Variants in ROBO1 observed in about 807,000 individuals in gnomAD.
ROBO1 encodes roundabout homolog 1.
In ROBO1, 149 loss-of-function variants were observed where a neutral mutation model predicts 195.9. The observed-to-expected ratio is 0.76, with a 90% CI of 0.67 to 0.87. ROBO1 has a LOEUF of 0.87. ROBO1 is among the 40% of genes least tolerant of loss of function. The pLI is 0.00. For missense variants in ROBO1, 1,933 were observed against 2,068.3 expected, an observed-to-expected ratio of 0.93 and a Z score of 1.27; for synonymous variants, 816 against 733.2, an observed-to-expected ratio of 1.11 and a Z score of -1.82.
intron 2 of ROBO1, among the ~76,000 whole-genome samples, chr3:79,466,024 T>A (rs937673674): frequency 6.6e-6 from 1 of 150,948 alleles, no homozygotes; most frequent in Non-Finnish European, 1.5e-5. Flanking sequence ...GTATTTTCAA[T>A]CTCCTTTAAA....
chr3:78,762,297 G>C (rs2083125249), intron 4 of ROBO1, among the ~76,000 whole-genome samples: 1 of 151,950 alleles, frequency 6.6e-6, no homozygotes, highest in Non-Finnish European at 1.5e-5. Context: ...TGAGCAAAAA[G>C]TTGAGTCATA....
Position 78,884,841 on chromosome 3 carries a change from A to ACT in ROBO1, c.499+53758_499+53759dup, listed in dbSNP as rs139880326. On this transcript the variant is annotated intron_variant, in intron 4 of 30. Coordinates refer to ENST00000464233, the MANE Select transcript of ROBO1 (RefSeq NM_002941.4). ...TAACATAAGGAAAAAGAAGAAATAGACTCTCTCTCTCTCTCTCTCTCTTTC... is the reference window on the plus strand; with the variant it reads ...TAACATAAGGAAAAAGAAGAAATAGACTCTCTCTCTCTCTCTCTCTCTCTTTC... 4.8e-3 allele frequency among the ~76,000 whole-genome samples: 681 copies of ACT among 141,920 alleles called. 7 individuals are homozygous for ACT. The highest frequency in any genetic ancestry group is 0.022 in the Middle Eastern group (6 of 278). 93.1% of individuals were successfully genotyped at this position (141,920 alleles called of 152,430 possible).
In ROBO1 at chr3:78,849,364, A is replaced by G. The variant is rs778318578; in HGVS notation, c.499+89237T>C. On this transcript the variant is annotated intron_variant, in intron 4 of 30. Transcript: ENST00000464233. ...ACCTCGGTATTTTGGACCCCAATTT[A>G]TCTCTCATTTCATTATATCATGTTA... Among the ~76,000 whole-genome samples the G allele has an allele frequency of 1.1e-3, 162 of 152,218 alleles. 2 individuals carry two copies. Among genetic ancestry groups the G allele is most frequent in the Non-Finnish European group, 6.3e-4 (43 of 68,016 alleles).
intron 2 of ROBO1, among the ~76,000 whole-genome samples, chr3:79,484,974 G>A (rs550381184): frequency 1.6e-4 from 25 of 151,706 alleles, no homozygotes; most frequent in South Asian, 8.4e-4. Flanking sequence ...GGATGATCTC[G>A]ATCTCTTGAC....
At chr3:79,717,960 AG>A (rs1345183341) in intron 1 of ROBO1, among the ~76,000 whole-genome samples, 1 of 152,018 alleles carries the variant, frequency 6.6e-6, no homozygotes, top group Non-Finnish European at 1.5e-5. Context: ...TTCTTACAGG[AG>A]CATGATCCTT....
intron 3 of ROBO1, among the ~76,000 whole-genome samples, chr3:78,941,838 C>T (rs1164686195): frequency 6.6e-6 from 1 of 152,116 alleles, no homozygotes; most frequent in African/African-American, 2.4e-5. Flanking sequence ...GTACAATGAG[C>T]CACAGTTTTG....
Position 79,249,293 on chromosome 3 carries a change from A to G in ROBO1, c.89-123754T>C, listed in dbSNP as rs2082678278. On this transcript the variant is annotated intron_variant, in intron 2 of 30. Coordinates refer to ENST00000464233, the MANE Select transcript of ROBO1 (RefSeq NM_002941.4). ...TGAACTGTTCACCAGCACGAAGAGG[A>G]CTACGTTTCCTGACTTGTCTGAGAA... is the stretch of plus-strand genomic sequence containing the variant. Among the ~76,000 whole-genome samples, 3 of 152,152 alleles carry G rather than the reference A, an allele frequency of 2.0e-5. No homozygotes were observed. The South Asian group carries it at 6.2e-4, about 32-fold the overall frequency.
At chr3:79,507,934 G>A (rs1175213314) in intron 2 of ROBO1, 1 of 154,374 alleles carries the variant, frequency 6.5e-6, no homozygotes, top group African/African-American at 2.4e-5. Context: ...TATAAGAAGA[G>A]GAAACTAGTA....
intron 5 of ROBO1, among the ~76,000 whole-genome samples, chr3:78,729,477 C>G (rs776860082): frequency 2.0e-5 from 3 of 152,128 alleles, no homozygotes; most frequent in Non-Finnish European, 4.4e-5. Flanking sequence ...CAATATGAAG[C>G]CTTGGGTATG....
intron 1 of ROBO1, among the ~76,000 whole-genome samples, chr3:79,726,451 A>C (rs1702929416): frequency 6.6e-6 from 1 of 152,208 alleles, no homozygotes; most frequent in South Asian, 2.1e-4. Flanking sequence ...ATAATGTCTG[A>C]CATATATTTA....
At chr3:79,314,108 T>A (rs1476700878) in intron 2 of ROBO1, among the ~76,000 whole-genome samples, 1 of 152,216 alleles carries the variant, frequency 6.6e-6, no homozygotes, top group African/African-American at 2.4e-5. Context: ...TCTATCTAGG[T>A]CTCATGCTCC....
chr3:79,042,886 C>A (rs764831239), intron 3 of ROBO1, among the ~76,000 whole-genome samples: 2 of 152,072 alleles, frequency 1.3e-5, no homozygotes, highest in African/African-American at 2.4e-5. Flanking sequence ...ATTTTACTGC[C>A]AAATGTCAAT....
intron 3 of ROBO1, among the ~76,000 whole-genome samples, chr3:79,061,355 CACAA>C (rs1308061639): frequency 6.6e-6 from 1 of 151,990 alleles, no homozygotes; most frequent in Non-Finnish European, 1.5e-5. Flanking sequence ...TAAAAGAGGA[CACAA>C]ACAAATGGAA....
chr3:78,769,589 A>G (rs2083314467), intron 4 of ROBO1, among the ~76,000 whole-genome samples: 2 of 98,296 alleles, frequency 2.0e-5, no homozygotes, highest in African/African-American at 7.9e-5. Flanking sequence ...CATTGCTTTC[A>G]TTGTGCTTTT....
intron 3 of ROBO1, among the ~76,000 whole-genome samples, chr3:79,091,121 G>C (rs999766634): frequency 7.2e-5 from 11 of 151,994 alleles, no homozygotes; most frequent in Admixed American, 6.6e-4. Context: ...ACTCATCTCT[G>C]TTCATTCTTC....
intron 3 of ROBO1, among the ~76,000 whole-genome samples, chr3:79,055,333 C>T (rs1295218943): frequency 6.6e-6 from 1 of 152,082 alleles, no homozygotes; most frequent in African/African-American, 2.4e-5. Context: ...GAAAAGGCCA[C>T]TTATTGGATT....
chr3:78,938,785 TCC>T lies in ROBO1; in HGVS notation c.313_314del (p.Gly105ArgfsTer9). 6.2e-7 allele frequency: 1 copy of T among 1,613,920 alleles called. No individual in the cohort carries two copies. Among genetic ancestry groups the T allele is most frequent in the Non-Finnish European group, 8.5e-7 (1 of 1,179,878 alleles). On this transcript the variant is annotated frameshift_variant, in exon 4 of 31. Coordinates refer to ENST00000464233, the MANE Select transcript of ROBO1 (RefSeq NM_002941.4). LOFTEE classifies it high-confidence loss of function. ...PTPTIEWYKGGERVETDKDDP... is the reference protein window; with the variant it reads ...PTPTIEWYKGXERVETDKDDP... ...CATCTTTGTCTGTCTCCACTCTCTC[TCC>T]CCCTTTGTACCATTCAATAGTGGGT...
intron 28 of ROBO1, among the ~76,000 whole-genome samples, chr3:78,611,903 A>G (rs1206420229): frequency 1.3e-5 from 2 of 152,172 alleles, no homozygotes; most frequent in African/African-American, 2.4e-5. Flanking sequence ...GAGGCCTCAG[A>G]AGAAACCACT....
intron 2 of ROBO1, among the ~76,000 whole-genome samples, chr3:79,394,228 A>T (rs2037057403): frequency 6.6e-6 from 1 of 152,160 alleles, no homozygotes; most frequent in Non-Finnish European, 1.5e-5. Context: ...AGGAGAAGCT[A>T]AGGATGTTCA....
Sources: allele counts gnomAD v4.1 joint callset (sites outside exome capture counted in the v4.1 genomes callset), GRCh38; gene constraint gnomAD v4.1.1; transcripts MANE v1.5; gene names NCBI Gene and HGNC (gene_info 2026-07-23, HGNC 2026-07-21).